EYS: variants seen among roughly 807,000 people sequenced by gnomAD.
EYS encodes protein eyes shut homolog.
EYS carries 250 observed loss-of-function variants against 282.1 expected under a neutral mutation model. The ratio of observed to expected loss-of-function variants is 0.89; its 90% confidence interval spans 0.80 to 0.98. EYS has a LOEUF of 0.98. Among genes scored for constraint, EYS ranks in the 50% least tolerant of loss-of-function variants. The pLI, the probability that EYS is intolerant of heterozygous loss-of-function variation, is 0.00. For missense variants in EYS, 4,016 were observed against 3,709.0 expected, an observed-to-expected ratio of 1.08 and a Z score of -2.15; for synonymous variants, 1,355 against 1,282.9, an observed-to-expected ratio of 1.06 and a Z score of -1.20.
intron 22 of EYS, among the ~76,000 whole-genome samples, chr6:64,672,746 A>C (rs1769510588): frequency 6.6e-6 from 1 of 152,150 alleles, no homozygotes; most frequent in Admixed American, 6.6e-5. Context: ...AGTTACAACT[A>C]ATAAATTTCT....
At chr6:64,249,013 G>C (rs1259839766) in intron 30 of EYS, among the ~76,000 whole-genome samples, 1 of 136,298 alleles carries the variant, frequency 7.3e-6, no homozygotes, top group Admixed American at 8.2e-5. Flanking sequence ...GCAACCAGCA[G>C]AGATCACGCC....
intron 39 of EYS, among the ~76,000 whole-genome samples, chr6:63,780,881 G>C (rs1225296722): frequency 6.6e-6 from 1 of 152,126 alleles, no homozygotes; most frequent in African/African-American, 2.4e-5. Context: ...TATGGTTTTA[G>C]GTCTAACATT....
chr6:64,108,203 C>T (rs548495826), intron 31 of EYS, among the ~76,000 whole-genome samples: 1 of 152,094 alleles, frequency 6.6e-6, no homozygotes, highest in South Asian at 2.1e-4. Flanking sequence ...TGTTTGTGTC[C>T]CCTTGGAATT....
chr6:64,541,414 C>T (rs1266331556), intron 26 of EYS, among the ~76,000 whole-genome samples: 1 of 152,194 alleles, frequency 6.6e-6, no homozygotes, highest in African/African-American at 2.4e-5. Flanking sequence ...TCTAACTTTA[C>T]CTTTTTCTCC....
intron 19 of EYS, among the ~76,000 whole-genome samples, chr6:64,851,437 A>T (rs1213462570): frequency 6.6e-6 from 1 of 152,124 alleles, no homozygotes; most frequent in East Asian, 1.9e-4. Context: ...AAGATGAAAT[A>T]CTCAGAGCTT....
intron 41 of EYS, among the ~76,000 whole-genome samples, chr6:63,743,118 TATCCCTGCCAGC>T: frequency 6.6e-6 from 1 of 152,378 alleles, no homozygotes; most frequent in Admixed American, 6.5e-5. Flanking sequence ...AGTTTCTCTA[TATCCCTGCCAGC>T]ATTTGGCATT....
At chr6:65,127,945 C>T (rs1775767154) in intron 12 of EYS, among the ~76,000 whole-genome samples, 1 of 152,020 alleles carries the variant, frequency 6.6e-6, no homozygotes. Flanking sequence ...AGCAAAAACA[C>T]AGACAGACAT....
chr6:65,207,490 G>T (rs12195764), intron 12 of EYS, among the ~76,000 whole-genome samples: 1 of 151,670 alleles, frequency 6.6e-6, no homozygotes, highest in Admixed American at 6.6e-5. Context: ...TTCCTATCAA[G>T]TAGCAATGTC....
At chr6:64,284,641 C>T (rs928344627) in intron 30 of EYS, among the ~76,000 whole-genome samples, 1 of 152,204 alleles carries the variant, frequency 6.6e-6, no homozygotes, top group African/African-American at 2.4e-5. Context: ...TCGATGAGAG[C>T]CCCACCTCTG....
Position 64,456,671 on chromosome 6 carries a change from T to G in EYS, c.5645-17319A>C, listed in dbSNP as rs904671931. 1.2e-4 allele frequency among the ~76,000 whole-genome samples: 19 copies of G among 152,024 alleles called. 1 individual carries two copies. Among genetic ancestry groups the G allele is most frequent in the Admixed American group, 4.6e-4 (7 of 15,248 alleles). On this transcript the variant is annotated intron_variant, in intron 26 of 42. Coordinates refer to ENST00000503581, the MANE Select transcript of EYS (RefSeq NM_001142800.2). Reference sequence around the variant, plus strand: ...CAAAAATTTCATTTATAAAGTGGGTTTTTTTGCAGGCATATGCTCTAAATT... The same window carrying G: ...CAAAAATTTCATTTATAAAGTGGGTGTTTTTGCAGGCATATGCTCTAAATT...
intron 35 of EYS, among the ~76,000 whole-genome samples, chr6:63,955,451 C>T (rs1311358394): frequency 6.6e-6 from 1 of 152,124 alleles, no homozygotes; most frequent in Non-Finnish European, 1.5e-5. Context: ...CTATTCTTTA[C>T]TTTTATATTC....
At chr6:64,550,642 A>G (rs1765044193) in intron 26 of EYS, among the ~76,000 whole-genome samples, 1 of 152,176 alleles carries the variant, frequency 6.6e-6, no homozygotes, top group Admixed American at 6.5e-5. Flanking sequence ...AATAAAGGGT[A>G]TTCAATTAGG....
chr6:64,097,749 ACATTGT>A (rs1432194664), intron 31 of EYS, among the ~76,000 whole-genome samples: 1 of 152,112 alleles, frequency 6.6e-6, no homozygotes, highest in African/African-American at 2.4e-5. Flanking sequence ...CGGTACACTG[ACATTGT>A]CATGATCATT....
At chr6:64,138,534 G>A (rs918444013) in intron 31 of EYS, among the ~76,000 whole-genome samples, 1 of 152,138 alleles carries the variant, frequency 6.6e-6, no homozygotes, top group Non-Finnish European at 1.5e-5. Context: ...TGTGGGGTGA[G>A]GAGAGTCAAG....
intron 2 of EYS, among the ~76,000 whole-genome samples, chr6:65,510,303 G>A (rs535690169): frequency 3.9e-4 from 59 of 151,276 alleles, no homozygotes; most frequent in African/African-American, 1.4e-3. Context: ...TACTGAGAAT[G>A]ATGATTTCCA....
intron 40 of EYS, among the ~76,000 whole-genome samples, chr6:63,769,011 G>A (rs1769866243): frequency 2.0e-5 from 3 of 152,102 alleles, no homozygotes; most frequent in Admixed American, 1.3e-4. Context: ...ATAAGTAGGA[G>A]CTGAACAATG....
At chr6:65,366,458 T>C (rs908879013) in intron 8 of EYS, among the ~76,000 whole-genome samples, 2 of 151,834 alleles carry the variant, frequency 1.3e-5, no homozygotes, top group African/African-American at 4.8e-5. Context: ...TAAAAATGAC[T>C]GCTAAGAATA....
chr6:65,053,763 G>A (rs1773340364), intron 13 of EYS, among the ~76,000 whole-genome samples: 5 of 151,810 alleles, frequency 3.3e-5, no homozygotes, highest in Admixed American at 2.6e-4. Context: ...GTTTTTGAGA[G>A]GCACAAAACA....
chr6:65,125,318 T>A (rs1775687396), intron 12 of EYS, among the ~76,000 whole-genome samples: 1 of 152,024 alleles, frequency 6.6e-6, no homozygotes, highest in Non-Finnish European at 1.5e-5. Context: ...ATCTATAGAG[T>A]CTCAATGAAA....
Sources: gnomAD v4.1 joint callset for allele counts (sites outside exome capture counted in the v4.1 genomes callset) on GRCh38, gnomAD v4.1.1 for gene constraint, MANE v1.5 for transcripts, NCBI Gene and HGNC (gene_info 2026-07-23, HGNC 2026-07-21) for gene names.